The following PTGFRN variants were observed in gnomAD, a reference collection of about 807,000 sequenced individuals.
PTGFRN encodes the protein prostaglandin F2 receptor negative regulator.
PTGFRN carries 35 observed loss-of-function variants against 83.2 expected under a neutral mutation model. The ratio of observed to expected loss-of-function variants is 0.42; its 90% confidence interval spans 0.32 to 0.56. PTGFRN has a LOEUF of 0.56. Ranked by LOEUF, PTGFRN falls within the 20% of genes least tolerant of loss-of-function variation. The pLI is 0.11. For synonymous variants in PTGFRN, 519 were observed against 498.6 expected (o/e 1.04, Z -0.55); for missense variants, 1,051 against 1,179.5 (o/e 0.89, Z 1.60).
chr1:116,944,156 GCTACTTTAAGT>G (rs1650123961), intron 2 of PTGFRN, among the ~76,000 whole-genome samples: 1 of 152,224 alleles, frequency 6.6e-6, no homozygotes, highest in Admixed American at 6.5e-5. Context: ...TGTGGATCTT[GCTACTTTAAGT>G]CTAGAAGGTC....
chr1:116,934,614 A>G (rs1192083397), intron 1 of PTGFRN, among the ~76,000 whole-genome samples: 8 of 151,962 alleles, frequency 5.3e-5, no homozygotes, highest in Non-Finnish European at 2.9e-5. Flanking sequence ...AATTAATTAT[A>G]GTTAGTTTAC....
chr1:116,951,939 A>T (rs1367334621), intron 4 of PTGFRN, among the ~76,000 whole-genome samples: 50 of 152,198 alleles, frequency 3.3e-4, no homozygotes, highest in Non-Finnish European at 1.5e-5. Flanking sequence ...TGACCAAAAA[A>T]GATAGACAGA....
At chr1:116,973,465 C>T (rs1423249064) in intron 6 of PTGFRN, among the ~76,000 whole-genome samples, 4 of 151,716 alleles carry the variant, frequency 2.6e-5, no homozygotes, top group African/African-American at 9.7e-5. Context: ...ATTTGCGGGG[C>T]GTAGTGGCAT....
chr1:116,933,294 G>T (rs1649842743), intron 1 of PTGFRN, among the ~76,000 whole-genome samples: 1 of 151,570 alleles, frequency 6.6e-6, no homozygotes, highest in African/African-American at 2.4e-5. Flanking sequence ...TTACTCTAGA[G>T]ATTAGAACAC....
chr1:116,954,380 C>T (rs1053743408), intron 4 of PTGFRN, among the ~76,000 whole-genome samples: 3 of 149,736 alleles, frequency 2.0e-5, no homozygotes, highest in Non-Finnish European at 3.0e-5. Context: ...AAATGGTGAT[C>T]GTGGTGTCAT....
chr1:116,983,439 C>T (rs1651375215), intron 7 of PTGFRN, among the ~76,000 whole-genome samples: 1 of 144,318 alleles, frequency 6.9e-6, no homozygotes, highest in Non-Finnish European at 1.5e-5. Flanking sequence ...GAGCATGAGG[C>T]TGTTTATGGC....
rs554889901 is a variant in PTGFRN at position 116,987,036 on chromosome 1, T to C, written c.*69T>C. 14 of 1,574,582 alleles carry C rather than the reference T, an allele frequency of 8.9e-6. No homozygotes were observed. The African/African-American group carries it at 1.9e-4, about 21-fold the overall frequency. On this transcript the variant is annotated 3_prime_UTR_variant, in exon 9 of 9. Coordinates refer to ENST00000393203, the MANE Select transcript of PTGFRN (RefSeq NM_020440.4). ...TTGGGGCAAGAAGAGGACAGTGATA[T>C]TTTAAAACAAAGTGTGTTACACTAA...
chr1:116,968,777 G>C (rs558024447), intron 6 of PTGFRN, among the ~76,000 whole-genome samples: 11 of 152,168 alleles, frequency 7.2e-5, no homozygotes, highest in South Asian at 2.1e-4. Context: ...TCTTCTGGGT[G>C]TTTCATATGA....
rs1218694056 is a variant in PTGFRN, at chr1:116,987,765, G to C, written c.*798G>C. The C allele has an allele frequency of 3.9e-5, 6 of 152,810 alleles. 1 individual carries two copies. Among genetic ancestry groups the C allele is most frequent in the African/African-American group, 1.2e-4 (5 of 41,548 alleles). 9.5% of individuals were successfully genotyped at this position (152,810 alleles called of 1,614,324 possible). ...ACCTCTGTCCAGGGCAGTAAGAAGG[G>C]CTGCAAGGAAGGGGAGGATGGGGAC... is the stretch of plus-strand genomic sequence containing the variant. On this transcript the variant is annotated 3_prime_UTR_variant, in exon 9 of 9. Coordinates refer to ENST00000393203, the MANE Select transcript of PTGFRN (RefSeq NM_020440.4).
At chr1:116,935,014 T>C (rs987458917) in intron 1 of PTGFRN, among the ~76,000 whole-genome samples, 1 of 152,190 alleles carries the variant, frequency 6.6e-6, no homozygotes, top group Non-Finnish European at 1.5e-5. Context: ...AGTTTTTGTT[T>C]CCCCGTATTG....
At chr1:116,964,583 C>T (rs1370110053) in intron 5 of PTGFRN, among the ~76,000 whole-genome samples, 1 of 152,164 alleles carries the variant, frequency 6.6e-6, no homozygotes, top group African/African-American at 2.4e-5. Context: ...TCTCTAATCT[C>T]ATCAATTTAA....
At chr1:116,979,120 G>A (rs6658748) in intron 7 of PTGFRN, among the ~76,000 whole-genome samples, 52,816 of 151,364 alleles carry the variant, frequency 0.35, 9,749 homozygotes, top group African/African-American at 0.48. Context: ...CCCATTCACA[G>A]TTGCTTCAAA....
Position 116,910,127 on chromosome 1 carries a change from C to A in PTGFRN, c.-77C>A. The A allele has an allele frequency of 1.4e-6, 2 of 1,457,156 alleles. No individual in the cohort carries two copies. The highest frequency in any genetic ancestry group is 4.0e-5 in the Admixed American group (2 of 50,204). The allele number at this position is 1,457,156 out of a possible 1,614,324, so 90.3% of individuals were successfully genotyped here. ...CGGAGGAGCGCCGACTCTGGAGCAG[C>A]CGGAGCTGGAAGAGGAGGAGGAGGA... On this transcript the variant is annotated 5_prime_UTR_variant, in exon 1 of 9. Coordinates refer to ENST00000393203, the MANE Select transcript of PTGFRN (RefSeq NM_020440.4).
intron 1 of PTGFRN, among the ~76,000 whole-genome samples, chr1:116,935,478 G>A (rs1345673360): frequency 6.7e-6 from 1 of 150,170 alleles, no homozygotes; most frequent in Non-Finnish European, 1.5e-5. Flanking sequence ...TCTGTAGTGG[G>A]AGTGAGGGTG....
At position 116,967,239 on chromosome 1, in the gene PTGFRN, G is replaced by A. The variant is rs779877358; in HGVS notation, c.1968G>A (p.Met656Ile). The A allele has an allele frequency of 1.9e-5, 31 of 1,614,150 alleles. No homozygotes were observed. Among genetic ancestry groups the A allele is most frequent in the Non-Finnish European group, 2.6e-5 (31 of 1,180,002 alleles). The stretch of plus-strand genomic sequence containing the variant: ...CAGACGCAGGGCTGTACCGCTGCAT[G>A]GTGACAGCCTGGTCTCCTGTCAGGG... ...QVSDAGLYRC[M>I]VTAWSPVRGS... The change falls in exon 6 of 9, where the codon ATG becomes ATA. Residue 656 changes from methionine (M) to isoleucine (I), a missense_variant. Met to Ile is a conservative substitution (Grantham distance 10, BLOSUM62 1). Coordinates refer to ENST00000393203, the MANE Select transcript of PTGFRN (RefSeq NM_020440.4).
chr1:116,969,255 A>G (rs910422163), intron 6 of PTGFRN, among the ~76,000 whole-genome samples: 20 of 151,950 alleles, frequency 1.3e-4, no homozygotes, highest in African/African-American at 4.1e-4. Context: ...ATTTTAGGCT[A>G]TGATTCATGT....
intron 1 of PTGFRN, among the ~76,000 whole-genome samples, chr1:116,938,360 T>TA (rs1649010375): frequency 6.6e-6 from 1 of 152,186 alleles, no homozygotes; most frequent in Non-Finnish European, 1.5e-5. Context: ...TAATTGGACT[T>TA]ACTGTTCCCC....
chr1:116,968,583 T>G (rs976091028), intron 6 of PTGFRN, among the ~76,000 whole-genome samples: 7 of 152,158 alleles, frequency 4.6e-5, no homozygotes, highest in Admixed American at 2.0e-4. Flanking sequence ...TTACTATATA[T>G]AGAGTGTACA....
intron 7 of PTGFRN, among the ~76,000 whole-genome samples, chr1:116,983,468 G>A (rs898201182): frequency 9.7e-5 from 14 of 144,018 alleles, no homozygotes; most frequent in African/African-American, 3.1e-4. Flanking sequence ...TGCCCCCAGG[G>A]AGCTAGTTTC....
Sources: gnomAD v4.1 joint callset for allele counts (sites outside exome capture counted in the v4.1 genomes callset) on GRCh38, gnomAD v4.1.1 for gene constraint, MANE v1.5 for transcripts, NCBI Gene and HGNC (gene_info 2026-07-23, HGNC 2026-07-21) for gene names.